TCTN1: variants seen among roughly 807,000 people sequenced by gnomAD.
TCTN1 encodes tectonic family member 1.
TCTN1 carries 58 observed loss-of-function variants against 65.8 expected under a neutral mutation model. That is an observed-to-expected ratio of 0.88 (90% confidence interval 0.71 to 1.10). TCTN1 has a LOEUF of 1.10. Among genes scored for constraint, TCTN1 ranks in the 50% least tolerant of loss-of-function variants. The probability of loss-of-function intolerance (pLI) is 0.00; values close to 1 mark genes in which losing one functional copy is unlikely to be tolerated. For missense variants in TCTN1, 645 were observed against 719.4 expected (o/e 0.90, Z 1.18); for synonymous variants, 273 against 289.1 (o/e 0.94, Z 0.57).
rs1406255317 is a variant in TCTN1 at position 110,642,240 on chromosome 12, T to A, written c.1191-9T>A. The A allele has an allele frequency of 1.9e-6, 3 of 1,614,066 alleles. No homozygotes were observed. The Admixed American group carries it at 5.0e-5, about 27-fold the overall frequency. ...GCACTAGGCAGTTGTCCCTTAACTG[T>A]CTGTGAATGTCTGGGATTATTCAGA... On this transcript the variant is annotated splice_polypyrimidine_tract_variant and intron_variant, in intron 10 of 14. Transcript: ENST00000397659.
chr12:110,646,913 G>A (rs891468849), intron 12 of TCTN1: 1 of 435,066 alleles, frequency 2.3e-6, no homozygotes, highest in Non-Finnish European at 4.2e-6. Flanking sequence ...GCCCTAAATG[G>A]TCCACAGTTG....
At position 110,639,098 on chromosome 12, in the gene TCTN1, C is replaced by G. The variant is rs138955931; in HGVS notation, c.844-1285C>G. Among the ~76,000 whole-genome samples, 18 of 152,288 alleles carry G rather than the reference C, an allele frequency of 1.2e-4. No individual in the cohort carries two copies. In the East Asian group the frequency reaches 2.9e-3, roughly 24 times the overall value. ...TGCTTATTTATCTCTAAAATAACTG[C>G]TTAAATACTTGGTCATTTTGAATTA... On this transcript the variant is annotated intron_variant, in intron 7 of 14. Coordinates refer to ENST00000397659, the MANE Select transcript of TCTN1 (RefSeq NM_001082538.3). This position sits in a 1 kb window ranked among gnomAD's most constrained non-coding sequence, Gnocchi z 4.9.
At chr12:110,637,499 T>C (rs1337279624) in intron 7 of TCTN1, among the ~76,000 whole-genome samples, 1 of 152,126 alleles carries the variant, frequency 6.6e-6, no homozygotes, top group Non-Finnish European at 1.5e-5. Flanking sequence ...ATGATGGATG[T>C]TACTTGTGTT....
At chr12:110,648,085 C>T (rs868749279) in intron 14 of TCTN1, among the ~76,000 whole-genome samples, 192 bp downstream of exon 14, 1 of 152,178 alleles carries the variant, frequency 6.6e-6, no homozygotes, top group Non-Finnish European at 1.5e-5. Flanking sequence ...AATCCACCCA[C>T]CTCAGCCTCC....
intron 13 of TCTN1, 164 bp from the exon 14 acceptor site, chr12:110,647,585 A>G: frequency 8.8e-7 from 1 of 1,140,390 alleles, no homozygotes; most frequent in Non-Finnish European, 1.3e-6. Flanking sequence ...ACACCCTGGT[A>G]AAATTGTTTC....
At chr12:110,645,348 C>T (rs1260083469) in intron 12 of TCTN1, 13 of 585,342 alleles carry the variant, frequency 2.2e-5, no homozygotes, top group South Asian at 2.1e-4. Flanking sequence ...GAAATGGGAA[C>T]GCTAGTCAAT....
intron 5 of TCTN1, 175 bp from the exon 6 acceptor site, chr12:110,634,495 G>A (rs1365157156): frequency 1.1e-5 from 7 of 622,014 alleles, no homozygotes; most frequent in South Asian, 1.6e-5. Context: ...TGGGCAACAC[G>A]GTGAAACCTT....
intron 4 of TCTN1, among the ~76,000 whole-genome samples, chr12:110,630,699 A>G (rs557241539): frequency 3.9e-4 from 59 of 152,308 alleles, no homozygotes; most frequent in African/African-American, 1.4e-3. Context: ...TAATGTATAT[A>G]TGGTGTTGTA....
intron 12 of TCTN1, 106 bp downstream of exon 12, chr12:110,645,235 A>G: frequency 6.9e-7 from 1 of 1,458,932 alleles, no homozygotes; most frequent in South Asian, 1.2e-5. Context: ...GATGGCCCTG[A>G]GTGGGAGCGC....
chr12:110,616,235 G>A (rs1455899419), intron 1 of TCTN1: 1 of 445,604 alleles, frequency 2.2e-6, no homozygotes, highest in South Asian at 1.6e-5. Context: ...GGATGAATTT[G>A]TGCTTGTCCT....
At chr12:110,642,901 A>G (rs1253933149) in intron 11 of TCTN1, among the ~76,000 whole-genome samples, 3 of 152,024 alleles carry the variant, frequency 2.0e-5, no homozygotes, top group African/African-American at 7.2e-5. Context: ...GACTACAGGC[A>G]TGTGGCAACA....
chr12:110,638,969 G>A (rs1354095741), intron 7 of TCTN1, among the ~76,000 whole-genome samples: 2 of 152,160 alleles, frequency 1.3e-5, no homozygotes, highest in South Asian at 2.1e-4. Context: ...TGCCATTCTC[G>A]TCACATGACA....
At chr12:110,620,100 A>G in intron 2 of TCTN1, 144 bp downstream of exon 2, 1 of 1,272,608 alleles carries the variant, frequency 7.9e-7, no homozygotes. Flanking sequence ...CCGTCCAAAC[A>G]AATATGTAAA....
chr12:110,631,970 A>G (rs748677607), intron 4 of TCTN1, among the ~76,000 whole-genome samples: 15 of 152,230 alleles, frequency 9.9e-5, no homozygotes, highest in Non-Finnish European at 1.9e-4. Context: ...CAAGTTCGAG[A>G]AAATTGGCTA....
In TCTN1 at chr12:110,645,046, G is replaced by C. The variant is rs753674051; in HGVS notation, c.1411G>C (p.Val471Leu). 3.1e-6 allele frequency: 5 copies of C among 1,614,164 alleles called. No individual in the cohort carries two copies. Among genetic ancestry groups the C allele is most frequent in the Non-Finnish European group, 4.2e-6 (5 of 1,180,028 alleles). The change falls in exon 12 of 15, where the codon GTG (valine) becomes CTG (leucine). Residue 471 changes from valine to leucine, a missense_variant. By Grantham distance (32) the Val-to-Leu change is conservative (BLOSUM62 1). Coordinates refer to ENST00000397659, the MANE Select transcript of TCTN1 (RefSeq NM_001082538.3). ...GTGGGGCCAGGGCTTCCCAGATTAC[G>C]TGGCCCCTTTTGGAAATTCCCAGGC... ...LLWGQGFPDY[V>L]APFGNSQAQD...
At chr12:110,631,125 A>G (rs914001638) in intron 4 of TCTN1, among the ~76,000 whole-genome samples, 4 of 151,952 alleles carry the variant, frequency 2.6e-5, no homozygotes, top group African/African-American at 9.7e-5. Flanking sequence ...TGCCATCATG[A>G]TCAGCTAATT....
At chr12:110,624,057 A>G (rs377738873) in intron 2 of TCTN1, among the ~76,000 whole-genome samples, 2 of 151,602 alleles carry the variant, frequency 1.3e-5, no homozygotes, top group African/African-American at 4.9e-5. Flanking sequence ...GACTATCTCT[A>G]TACTATTATC....
intron 4 of TCTN1, among the ~76,000 whole-genome samples, chr12:110,631,097 G>A (rs988191248): frequency 2.0e-5 from 3 of 152,114 alleles, no homozygotes; most frequent in Non-Finnish European, 2.9e-5. Flanking sequence ...CTCCCAAGTA[G>A]CTGGGATTGC....
intron 11 of TCTN1, 66 bp downstream of exon 11, chr12:110,642,455 C>T (rs1174651542): frequency 1.1e-5 from 18 of 1,611,530 alleles, no homozygotes; most frequent in Non-Finnish European, 1.5e-5. Flanking sequence ...CTCACTTTTC[C>T]CCATTTTAAT....
Sources: allele counts gnomAD v4.1 joint callset (sites outside exome capture counted in the v4.1 genomes callset), GRCh38; gene constraint gnomAD v4.1.1; non-coding constraint Gnocchi (gnomAD v3.1); transcripts MANE v1.5; gene names NCBI Gene and HGNC (gene_info 2026-07-23, HGNC 2026-07-21).